Variants in CIMIP7 observed in about 807,000 individuals in gnomAD.
CIMIP7 encodes uncharacterized protein C3orf84.
chr3:49,178,679 CAG>C, the CIMIP7 span: 2 of 667,802 alleles, frequency 3.0e-6, no homozygotes, highest in African/African-American at 3.5e-5. Context: ...TGCCAACAGA[CAG>C]AGGGCAGAGA....
the CIMIP7 span, among the ~76,000 whole-genome samples, chr3:49,183,262 C>A: frequency 6.6e-6 from 1 of 152,310 alleles, no homozygotes; most frequent in South Asian, 2.1e-4. Flanking sequence ...AGAATGGCTC[C>A]AATTGAAAAT....
chr3:49,190,041 A>T, the CIMIP7 span: 1 of 1,613,724 alleles, frequency 6.2e-7, no homozygotes, highest in Non-Finnish European at 8.5e-7. Context: ...TCGCTGCAGG[A>T]ACACTGCTGG....
At chr3:49,185,428 C>T in the CIMIP7 span, among the ~76,000 whole-genome samples, 1 of 141,462 alleles carries the variant, frequency 7.1e-6, no homozygotes, top group African/African-American at 2.6e-5. Context: ...TAGCTGGACA[C>T]GGTGGTGGGT....
the CIMIP7 span, among the ~76,000 whole-genome samples, chr3:49,189,228 CAA>C: frequency 3.9e-5 from 6 of 151,948 alleles, no homozygotes; most frequent in Admixed American, 2.6e-4. Context: ...CTCGGCCTCC[CAA>C]AGTTCTGGGA....
chr3:49,191,633 T>A, the CIMIP7 span: 7 of 1,230,008 alleles, frequency 5.7e-6, no homozygotes, highest in Non-Finnish European at 8.3e-6. Flanking sequence ...CAGGGTCCTA[T>A]TCCAGGTTGG....
chr3:49,188,882 C>T, the CIMIP7 span, among the ~76,000 whole-genome samples: 6 of 152,068 alleles, frequency 3.9e-5, no homozygotes, highest in Non-Finnish European at 7.4e-5. Flanking sequence ...ACTGCAACTT[C>T]TGCCTCCCAG....
the CIMIP7 span, among the ~76,000 whole-genome samples, chr3:49,181,745 A>G: frequency 1.3e-5 from 2 of 152,240 alleles, no homozygotes; most frequent in African/African-American, 4.8e-5. Flanking sequence ...ATGGACAAAC[A>G]TGAAGACATC....
At chr3:49,181,112 C>T in the CIMIP7 span, among the ~76,000 whole-genome samples, 9 of 151,668 alleles carry the variant, frequency 5.9e-5, no homozygotes, top group East Asian at 3.9e-4. Flanking sequence ...GAGGCAGAGG[C>T]GGATAGATCA....
the CIMIP7 span, chr3:49,177,942 C>T: frequency 2.5e-6 from 4 of 1,613,668 alleles, no homozygotes; most frequent in Admixed American, 3.3e-5. Flanking sequence ...CCAGGGGCCC[C>T]TGCTGGCGCA....
At chr3:49,188,392 C>T in the CIMIP7 span, among the ~76,000 whole-genome samples, 1 of 152,134 alleles carries the variant, frequency 6.6e-6, no homozygotes, top group Admixed American at 6.5e-5. Flanking sequence ...TTCTTCTACC[C>T]AGTTGTTGCT....
the CIMIP7 span, among the ~76,000 whole-genome samples, chr3:49,185,999 CTTTTTT>C: frequency 7.7e-6 from 1 of 129,260 alleles, no homozygotes. Context: ...TTTTATAGCT[CTTTTTT>C]TTTTTTTTTT....
the CIMIP7 span, among the ~76,000 whole-genome samples, chr3:49,179,964 C>T: frequency 6.6e-6 from 1 of 151,842 alleles, no homozygotes; most frequent in South Asian, 2.1e-4. Flanking sequence ...ATAGTGAAAC[C>T]CCGTTTTTAC....
chr3:49,185,872 A>G, the CIMIP7 span, among the ~76,000 whole-genome samples: 1 of 151,100 alleles, frequency 6.6e-6, no homozygotes, highest in African/African-American at 2.4e-5. Context: ...TTGTATTTTT[A>G]GTAAAGATGG....
chr3:49,186,742 ACACGCACG>A, the CIMIP7 span, among the ~76,000 whole-genome samples: 2 of 152,108 alleles, frequency 1.3e-5, no homozygotes, highest in East Asian at 1.9e-4. Flanking sequence ...TAATACACAC[ACACGCACG>A]CACGCACGCA....
At chr3:49,177,656 C>A in the CIMIP7 span, 2 of 1,594,130 alleles carry the variant, frequency 1.3e-6, no homozygotes, top group Non-Finnish European at 1.7e-6. Context: ...TTGTTTAATG[C>A]TCTGGACCAG....
chr3:49,189,503 C>T, the CIMIP7 span, among the ~76,000 whole-genome samples: 3 of 152,208 alleles, frequency 2.0e-5, no homozygotes, highest in Non-Finnish European at 2.9e-5. Context: ...TTCCCATTCT[C>T]CAGAAGCCTG....
chr3:49,182,653 G>A, the CIMIP7 span, among the ~76,000 whole-genome samples: 189 of 152,332 alleles, frequency 1.2e-3, 1 homozygote, highest in East Asian at 2.5e-3. Flanking sequence ...CCAGTCCCGC[G>A]CCGTGTGCCC....
chr3:49,178,656 T>G, the CIMIP7 span: 1 of 771,310 alleles, frequency 1.3e-6, no homozygotes, highest in East Asian at 2.7e-5. Context: ...CCACTGCCCC[T>G]AAGCTGCTAA....
At chr3:49,177,873 G>A in the CIMIP7 span, 2 of 1,613,872 alleles carry the variant, frequency 1.2e-6, no homozygotes, top group Non-Finnish European at 1.7e-6. Flanking sequence ...AGTGGATGAG[G>A]TGCTGGGGGA....
Sources: allele counts gnomAD v4.1 joint callset (sites outside exome capture counted in the v4.1 genomes callset), GRCh38; gene constraint gnomAD v4.1.1; transcripts MANE v1.5; gene names NCBI Gene and HGNC (gene_info 2026-07-23, HGNC 2026-07-21).